Variants in TMEM132B observed in about 807,000 individuals in gnomAD.
TMEM132B encodes transmembrane protein 132B.
TMEM132B carries 18 observed loss-of-function variants against 90.8 expected under a neutral mutation model. The ratio of observed to expected loss-of-function variants is 0.20; its 90% CI spans 0.14 to 0.29. The LOEUF (loss-of-function observed/expected upper bound fraction) is 0.29, where lower values mean the gene tolerates loss of function less well. Ranked by LOEUF, TMEM132B falls within the 10% of genes least tolerant of loss-of-function variation. The pLI, the probability that TMEM132B is intolerant of heterozygous loss-of-function variation, is 1.00. For synonymous variants in TMEM132B, 504 were observed against 523.3 expected, an observed-to-expected ratio of 0.96 and a Z score of 0.50; for missense variants, 1,096 against 1,326.8, an observed-to-expected ratio of 0.83 and a Z score of 2.70.
rs1192630811 is a variant in TMEM132B at position 125,232,160 on chromosome 12, C to A, written c.67+45294C>A. ...TATATTATAATTTATTTTAAAAAAT[C>A]TCTCCATTGATGGGAGTTTATGTTG... On this transcript the variant is annotated intron_variant, in intron 1 of 8. Coordinates refer to ENST00000682704, the MANE Select transcript of TMEM132B (RefSeq NM_001366854.1). Among the ~76,000 whole-genome samples the A allele has an allele frequency of 1.3e-5, 2 of 152,130 alleles. 1 individual carries two copies. The highest frequency in any genetic ancestry group is 1.3e-4 in the Admixed American group (2 of 15,278).
At chr12:125,281,885 G>A (rs1257912462) in intron 1 of TMEM132B, among the ~76,000 whole-genome samples, 1 of 151,668 alleles carries the variant, frequency 6.6e-6, no homozygotes, top group Non-Finnish European at 1.5e-5. Context: ...AAAATTAGCC[G>A]GGCGAGGTGG....
At chr12:125,211,141 A>C (rs1873309736) in intron 1 of TMEM132B, among the ~76,000 whole-genome samples, 1 of 151,752 alleles carries the variant, frequency 6.6e-6, no homozygotes, top group South Asian at 2.1e-4. Context: ...GAAAGAGGGG[A>C]GTCCAGGGAT....
chr12:125,294,262 GT>G (rs1486433024), intron 1 of TMEM132B, among the ~76,000 whole-genome samples: 1 of 152,224 alleles, frequency 6.6e-6, no homozygotes, highest in Non-Finnish European at 1.5e-5. Context: ...GGGGTGGTGT[GT>G]TAGGCAGCAG....
chr12:125,245,496 C>A (rs1874185759), intron 1 of TMEM132B, among the ~76,000 whole-genome samples: 1 of 152,074 alleles, frequency 6.6e-6, no homozygotes, highest in Non-Finnish European at 1.5e-5. Context: ...GAGCACATTG[C>A]CCTCTGACTC....
rs569424682 is a variant in TMEM132B, at chr12:125,631,004, T to A, written c.1438-13072T>A. On this transcript the variant is annotated intron_variant, in intron 5 of 8. Transcript: ENST00000682704. ...TTAAATTCATTTATTTCTGCTCCAA[T>A]CTTTATTTCTGTTCTCTACTAACTT... Among the ~76,000 whole-genome samples the A allele has an allele frequency of 9.2e-4, 140 of 152,304 alleles. 2 individuals are homozygous for A. The South Asian group carries it at 0.021, about 23-fold the overall frequency.
At chr12:125,203,518 A>G (rs1156470119) in intron 1 of TMEM132B, among the ~76,000 whole-genome samples, 3 of 152,218 alleles carry the variant, frequency 2.0e-5, no homozygotes, top group East Asian at 3.8e-4. Flanking sequence ...TTCTGTGACC[A>G]TCTTGACATA....
chr12:125,652,652 T>C lies in TMEM132B; in HGVS notation c.2106+20T>C, dbSNP rs1440853240. 2 of 1,598,660 alleles carry C rather than the reference T, an allele frequency of 1.3e-6. No homozygotes were observed. The highest frequency in any genetic ancestry group is 2.3e-5 in the South Asian group (2 of 88,150). On this transcript the variant is annotated intron_variant, in intron 8 of 8. Transcript: ENST00000682704. ...CAGCAGGTGAGCGTTCCAGGGGCCC[T>C]GCGTCCTTGGTCAGTGGGGATGACT...
chr12:125,432,015 T>G (rs1013572723), intron 3 of TMEM132B, among the ~76,000 whole-genome samples: 1 of 151,804 alleles, frequency 6.6e-6, no homozygotes, highest in Non-Finnish European at 1.5e-5. Context: ...ACGCCCTTTT[T>G]CCTGTGCTAG....
chr12:125,361,492 A>G (rs7135266), intron 2 of TMEM132B, among the ~76,000 whole-genome samples: 1,884 of 152,326 alleles, frequency 0.012, 43 homozygotes, highest in African/African-American at 0.042. Flanking sequence ...ACAAAAATTC[A>G]GGCTTTACTA....
chr12:125,521,349 G>A (rs1207536730), intron 4 of TMEM132B, among the ~76,000 whole-genome samples: 1 of 151,774 alleles, frequency 6.6e-6, no homozygotes, highest in Non-Finnish European at 1.5e-5. Context: ...TCCAAAGCAA[G>A]TCATGGAAAG....
chr12:125,449,411 T>C (rs962476979), intron 3 of TMEM132B, among the ~76,000 whole-genome samples: 3 of 152,250 alleles, frequency 2.0e-5, no homozygotes, highest in South Asian at 2.1e-4. Context: ...CTTTTAATGT[T>C]TGCAGGATCT....
At chr12:125,225,310 C>T (rs985656699) in intron 1 of TMEM132B, among the ~76,000 whole-genome samples, 1 of 152,102 alleles carries the variant, frequency 6.6e-6, no homozygotes. Flanking sequence ...TTGTAAGGCC[C>T]AGTGAGAAAT....
intron 4 of TMEM132B, among the ~76,000 whole-genome samples, chr12:125,567,662 TTC>T (rs1275062813): frequency 4.6e-5 from 7 of 152,216 alleles, no homozygotes; most frequent in African/African-American, 1.7e-4. Flanking sequence ...CCTCGACCAT[TTC>T]TCTCCGTAAT....
chr12:125,323,309 G>A (rs376002442), intron 1 of TMEM132B, among the ~76,000 whole-genome samples: 45 of 152,244 alleles, frequency 3.0e-4, no homozygotes, highest in African/African-American at 9.9e-4. Flanking sequence ...GGTGGCAGGC[G>A]CCTGCAGTCT....
At chr12:125,309,960 G>A (rs946380333) in intron 1 of TMEM132B, among the ~76,000 whole-genome samples, 1 of 152,144 alleles carries the variant, frequency 6.6e-6, no homozygotes, top group African/African-American at 2.4e-5. Context: ...GCTGTCTGCT[G>A]GGATCACAGC....
intron 5 of TMEM132B, among the ~76,000 whole-genome samples, chr12:125,616,193 GT>G (rs1462132325): frequency 6.7e-6 from 1 of 149,824 alleles, no homozygotes. Context: ...GCGGTGTTTG[GT>G]TTTTTGTCCT....
chr12:125,445,997 C>T lies in TMEM132B; in HGVS notation c.1106+30320C>T, dbSNP rs946764735. 1.3e-5 allele frequency among the ~76,000 whole-genome samples: 2 copies of T among 152,188 alleles called. No homozygotes were observed. The highest frequency in any genetic ancestry group is 2.9e-5 in the Non-Finnish European group (2 of 68,036). On this transcript the variant is annotated intron_variant, in intron 3 of 8. Coordinates refer to ENST00000682704, the MANE Select transcript of TMEM132B (RefSeq NM_001366854.1). This position sits in a 1 kb window ranked among gnomAD's most constrained non-coding sequence, Gnocchi z 4.3. Reference sequence around the variant, plus strand: ...TCTGCTATCCTGGGGGCTGCAACCTCGCTTTCTCCAACAAAGTCTGAATCC... The same window carrying T: ...TCTGCTATCCTGGGGGCTGCAACCTTGCTTTCTCCAACAAAGTCTGAATCC...
chr12:125,359,062 G>A (rs115942733), intron 2 of TMEM132B, among the ~76,000 whole-genome samples: 1,767 of 152,274 alleles, frequency 0.012, 37 homozygotes, highest in African/African-American at 0.039. Context: ...TCCTGACTCC[G>A]TAATGATGTG....
In TMEM132B at chr12:125,406,839, T is replaced by C. The variant is rs993650130; in HGVS notation, c.960-8692T>C. ...GACTCAAAGAACTCAGAAACGCTGT[T>C]GTACTTATAAATATTGTTTATTCTA... On this transcript the variant is annotated intron_variant, in intron 2 of 8. Coordinates refer to ENST00000682704, the MANE Select transcript of TMEM132B (RefSeq NM_001366854.1). The surrounding 1 kb of genome is among the most constrained non-coding windows in gnomAD (Gnocchi z 8.3). Among the ~76,000 whole-genome samples, 1 of 152,196 alleles carries C rather than the reference T, an allele frequency of 6.6e-6. No individual in the cohort carries two copies. The highest frequency in any genetic ancestry group is 1.5e-5 in the Non-Finnish European group (1 of 68,036).
Sources: gnomAD v4.1 joint callset for allele counts (sites outside exome capture counted in the v4.1 genomes callset) on GRCh38, gnomAD v4.1.1 for gene constraint, Gnocchi (gnomAD v3.1) non-coding constraint, MANE v1.5 for transcripts, NCBI Gene and HGNC (gene_info 2026-07-23, HGNC 2026-07-21) for gene names.